Variants in MYO10 observed in about 807,000 individuals in gnomAD.
The protein encoded by MYO10 is myosin X, also known as unconventional myosin-X.
MYO10 carries 133 observed loss-of-function variants against 257.3 expected under a neutral mutation model. The observed-to-expected ratio is 0.52, with a 90% CI of 0.45 to 0.60. MYO10 has a LOEUF of 0.60. MYO10 is among the 20% of genes least tolerant of loss of function. MYO10 has a pLI of 0.00. For missense variants in MYO10, 2,399 were observed against 2,635.7 expected (o/e 0.91, Z 1.97); for synonymous variants, 1,104 against 1,028.6 (o/e 1.07, Z -1.40).
intron 26 of MYO10, 92 bp from the exon 27 acceptor site, chr5:16,694,706 C>T: frequency 2.0e-6 from 3 of 1,507,804 alleles, no homozygotes; most frequent in Middle Eastern, 1.8e-4. Context: ...AAGGTCTAGC[C>T]GAGCTTAGAC....
chr5:16,823,536 A>G (rs1317655857), intron 2 of MYO10, among the ~76,000 whole-genome samples: 1 of 126,474 alleles, frequency 7.9e-6, no homozygotes, highest in Admixed American at 9.4e-5. Flanking sequence ...CAGTGGCACA[A>G]TCTCGGCTCA....
At chr5:16,842,060 G>A (rs1445585444) in intron 2 of MYO10, among the ~76,000 whole-genome samples, 1 of 152,110 alleles carries the variant, frequency 6.6e-6, no homozygotes, top group Non-Finnish European at 1.5e-5. Flanking sequence ...CAGAAAAGCA[G>A]GTGGCACAGA....
At chr5:16,778,251 A>G (rs1263599470) in intron 9 of MYO10, among the ~76,000 whole-genome samples, 1 of 152,068 alleles carries the variant, frequency 6.6e-6, no homozygotes, top group East Asian at 1.9e-4. Flanking sequence ...GCAACGCTCG[A>G]TGACTGGGCT....
At chr5:16,749,369 C>A (rs1043952507) in intron 19 of MYO10, among the ~76,000 whole-genome samples, 1 of 151,804 alleles carries the variant, frequency 6.6e-6, no homozygotes, top group Non-Finnish European at 1.5e-5. Flanking sequence ...TGCCTGTAAT[C>A]TTCGCTACTT....
intron 2 of MYO10, among the ~76,000 whole-genome samples, chr5:16,851,569 GAT>G (rs2126736164): frequency 6.6e-6 from 1 of 152,276 alleles, no homozygotes; most frequent in South Asian, 2.1e-4. Context: ...CCACACAGGT[GAT>G]CTCTTTAGTG....
intron 2 of MYO10, among the ~76,000 whole-genome samples, chr5:16,860,121 C>T (rs905606396): frequency 2.6e-5 from 4 of 152,080 alleles, no homozygotes; most frequent in African/African-American, 9.7e-5. Flanking sequence ...GTGGAAGAAG[C>T]GGCCAATCAC....
At chr5:16,671,892 G>A (rs1736481224) in intron 37 of MYO10, among the ~76,000 whole-genome samples, 1 of 152,184 alleles carries the variant, frequency 6.6e-6, no homozygotes, top group African/African-American at 2.4e-5. Flanking sequence ...GATACATTAT[G>A]ATAACATTTA....
chr5:16,754,996 T>A, intron 18 of MYO10, 88 bp from the exon 19 acceptor site: 1 of 774,036 alleles, frequency 1.3e-6, no homozygotes. Flanking sequence ...AACAATAATT[T>A]AAAAAACACA....
chr5:16,933,118 T>C (rs1273558283), intron 1 of MYO10, among the ~76,000 whole-genome samples: 2 of 152,316 alleles, frequency 1.3e-5, no homozygotes, highest in East Asian at 3.9e-4. Context: ...AAATAGGAAT[T>C]AATACCGCCA....
Position 16,764,234 on chromosome 5 carries a change from C to A in MYO10, c.1326+16G>T, listed in dbSNP as rs199580721. 2.9e-5 allele frequency: 46 copies of A among 1,613,376 alleles called. No homozygotes were observed. In the Admixed American group the frequency reaches 7.0e-4, roughly 25 times the overall value. On this transcript the variant is annotated intron_variant, in intron 12 of 40. Coordinates refer to ENST00000513610, the MANE Select transcript of MYO10 (RefSeq NM_012334.3). The stretch of plus-strand genomic sequence containing the variant: ...GACAGAAGAGAATTCACGTGCTGCA[C>A]TGTTAGGAAACCTACCTCAAAGTTT...
intron 1 of MYO10, among the ~76,000 whole-genome samples, chr5:16,929,633 G>A (rs1050290114): frequency 1.3e-5 from 2 of 152,084 alleles, no homozygotes; most frequent in Admixed American, 1.3e-4. Flanking sequence ...GTTGTTCAAG[G>A]GATTAAATGA....
At chr5:16,920,793 G>A (rs1203529111) in intron 1 of MYO10, among the ~76,000 whole-genome samples, 1 of 152,166 alleles carries the variant, frequency 6.6e-6, no homozygotes, top group Non-Finnish European at 1.5e-5. Context: ...CTATTTGGGT[G>A]ACTTCTGAAT....
intron 2 of MYO10, among the ~76,000 whole-genome samples, chr5:16,819,455 G>A (rs1444604726): frequency 6.6e-6 from 1 of 152,078 alleles, no homozygotes; most frequent in Non-Finnish European, 1.5e-5. Flanking sequence ...AAAATCATTT[G>A]ATTGCGGAGT....
chr5:16,680,041 T>C lies in MYO10; in HGVS notation c.4448A>G (p.Asn1483Ser), dbSNP rs775881579. 6 of 1,613,780 alleles carry C rather than the reference T, an allele frequency of 3.7e-6. No homozygotes were observed. The highest frequency in any genetic ancestry group is 2.2e-5 in the East Asian group (1 of 44,886). Residue 1483 changes from asparagine (N) to serine (S), a missense_variant, in exon 33 of 41, where the codon AAC (asparagine) becomes AGC (serine). Physicochemically the swap from Asn to Ser is conservative, Grantham distance 46 (BLOSUM62 1). This residue lies in a region of MYO10 where 1,820 missense variants were observed against 1,939.4 expected (regional missense o/e 0.94). Transcript: ENST00000513610. ...GGCACTGGACCACCGGGTGGCCTCG[T>C]TGAGCAGCTTGGTGTAGAGCCGGTA... ...HCYRLYTKLL[N>S]EATRWSSAIQ... is the part of the protein sequence containing the mutation.
At chr5:16,771,455 G>A (rs919398010) in intron 9 of MYO10, among the ~76,000 whole-genome samples, 1 of 150,874 alleles carries the variant, frequency 6.6e-6, no homozygotes, top group Non-Finnish European at 1.5e-5. Flanking sequence ...AACAACAAAG[G>A]TTCAGAGAAG....
chr5:16,783,429 T>A lies in MYO10; in HGVS notation c.508A>T (p.Ile170Phe), dbSNP rs755128762. The A allele has an allele frequency of 2.5e-6, 4 of 1,611,090 alleles. No homozygotes were observed. The Admixed American group carries it at 5.0e-5, about 20-fold the overall frequency. Reference protein sequence around the residue: ...GAGKTESTKLILKFLSVISQQ... With the variant: ...GAGKTESTKLFLKFLSVISQQ... ...CTGATGACTGACAGAAACTTGAGGA[T>A]CAATTTAGTGCTTTCGGTTTTACCT... The change falls in exon 5 of 41, where the codon ATC (isoleucine) becomes TTC (phenylalanine). Residue 170 changes from isoleucine (I) to phenylalanine (F), a missense_variant. This residue lies in a region of MYO10 where 242 missense variants were observed against 249.5 expected (regional missense o/e 0.97). Transcript: ENST00000513610.
chr5:16,877,528 G>A, intron 2 of MYO10, 81 bp downstream of exon 2: 1 of 1,058,028 alleles, frequency 9.5e-7, no homozygotes, highest in East Asian at 2.5e-5. Context: ...ATGTGTAGGG[G>A]GGCCAAGCAC....
chr5:16,850,420 G>A lies in MYO10; in HGVS notation c.120+27189C>T, dbSNP rs146465116. ...AGCCTCCCGAGTACCTGGGACTACA[G>A]GCGCGCACCACCACACTCAGCTAAT... On this transcript the variant is annotated intron_variant, in intron 2 of 40. Transcript: ENST00000513610. Among the ~76,000 whole-genome samples, 334 of 152,078 alleles carry A rather than the reference G, an allele frequency of 2.2e-3. 2 individuals carry two copies. The highest frequency in any genetic ancestry group is 7.4e-3 in the African/African-American group (307 of 41,488).
At chr5:16,907,693 G>A (rs1456779575) in intron 1 of MYO10, among the ~76,000 whole-genome samples, 1 of 152,094 alleles carries the variant, frequency 6.6e-6, no homozygotes, top group African/African-American at 2.4e-5. Flanking sequence ...ACTCACTGTG[G>A]GAAAAGGGCA....
Sources: gnomAD v4.1 joint callset for allele counts (sites outside exome capture counted in the v4.1 genomes callset) on GRCh38, gnomAD v4.1.1 for gene constraint, gnomAD v4.1.1 regional missense constraint, MANE v1.5 for transcripts, NCBI Gene and HGNC (gene_info 2026-07-23, HGNC 2026-07-21) for gene names.